Variants in MGAT4C observed in about 807,000 individuals in gnomAD.
MGAT4C encodes MGAT4 family member C, also known as alpha-1,3-mannosyl-glycoprotein 4-beta-N-acetylglucosaminyltransferase C.
In MGAT4C, 19 loss-of-function variants were observed where a neutral mutation model predicts 40.1. The ratio of observed to expected loss-of-function variants is 0.47; its 90% CI spans 0.33 to 0.70. MGAT4C has a LOEUF of 0.70. Among genes scored for constraint, MGAT4C ranks in the 30% least tolerant of loss-of-function variants. MGAT4C has a pLI of 0.02. For synonymous variants in MGAT4C, 181 were observed against 187.1 expected, an observed-to-expected ratio of 0.97 and a Z score of 0.27; for missense variants, 491 against 563.2, an observed-to-expected ratio of 0.87 and a Z score of 1.30.
chr12:86,461,626 G>T (rs1957603739), intron 2 of MGAT4C, among the ~76,000 whole-genome samples: 1 of 152,046 alleles, frequency 6.6e-6, no homozygotes, highest in Non-Finnish European at 1.5e-5. Context: ...CATTTCAATA[G>T]AAAGAAAATC....
At chr12:86,676,756 A>T (rs1964409527) in intron 2 of MGAT4C, among the ~76,000 whole-genome samples, 1 of 152,162 alleles carries the variant, frequency 6.6e-6, no homozygotes, top group African/African-American at 2.4e-5. Context: ...TTAATTGAAC[A>T]TTCTCCATAT....
rs192803593 is a variant in MGAT4C at position 85,995,726 on chromosome 12, C to T, written c.-6-6174G>A. Among the ~76,000 whole-genome samples the T allele has an allele frequency of 4.6e-4, 70 of 152,076 alleles. 1 individual carries two copies. The East Asian group carries it at 8.5e-3, about 19-fold the overall frequency. ...TTACAAAATATAAGAAAACTAGCCT[C>T]GTGTGTTGGTATACATCTGTAGTCC... On this transcript the variant is annotated intron_variant, in intron 2 of 4. Coordinates refer to ENST00000611864, the MANE Select transcript of MGAT4C (RefSeq NM_001351288.2).
chr12:86,114,876 TGGTGACAAG>T, intron 1 of MGAT4C, among the ~76,000 whole-genome samples: 1 of 151,972 alleles, frequency 6.6e-6, no homozygotes, highest in Non-Finnish European at 1.5e-5. Context: ...ATGTGACGTT[TGGTGACAAG>T]AAAGCTACTA....
intron 2 of MGAT4C, among the ~76,000 whole-genome samples, chr12:86,532,699 T>C (rs954748369): frequency 2.1e-4 from 32 of 152,074 alleles, no homozygotes; most frequent in Non-Finnish European, 4.0e-4. Context: ...AGATTGCATC[T>C]TAAAGGCTGG....
intron 1 of MGAT4C, among the ~76,000 whole-genome samples, chr12:86,245,173 A>C (rs1257883459): frequency 6.6e-6 from 1 of 151,996 alleles, no homozygotes; most frequent in Non-Finnish European, 1.5e-5. Context: ...AGAAACACCA[A>C]CTCATCCTAT....
intron 1 of MGAT4C, among the ~76,000 whole-genome samples, chr12:86,231,072 C>T (rs770519823): frequency 2.2e-4 from 33 of 151,936 alleles, no homozygotes; most frequent in Admixed American, 1.3e-4. Flanking sequence ...ATTTATGCCT[C>T]GAGTTTTAAT....
At chr12:86,156,873 A>AAGATAATT (rs1156875628) in intron 1 of MGAT4C, among the ~76,000 whole-genome samples, 1 of 152,196 alleles carries the variant, frequency 6.6e-6, no homozygotes. Flanking sequence ...CCACAAGAGC[A>AAGATAATT]AGATAATTCT....
chr12:86,495,558 A>C, intron 2 of MGAT4C, among the ~76,000 whole-genome samples: 1 of 152,096 alleles, frequency 6.6e-6, no homozygotes, highest in Admixed American at 6.6e-5. Flanking sequence ...TCAGCTAGGC[A>C]CCACCACTTC....
chr12:86,467,772 C>G (rs1028834047), intron 2 of MGAT4C, among the ~76,000 whole-genome samples: 5 of 152,038 alleles, frequency 3.3e-5, no homozygotes, highest in African/African-American at 1.2e-4. Context: ...CTTTTTTACT[C>G]TCTTTAGATA....
intron 2 of MGAT4C, among the ~76,000 whole-genome samples, chr12:86,543,806 G>A (rs1030932131): frequency 8.1e-6 from 1 of 122,756 alleles, no homozygotes; most frequent in Non-Finnish European, 1.7e-5. Flanking sequence ...CAATTCTGTG[G>A]ATGGCTAATG....
At chr12:86,565,971 T>C (rs1410041117) in intron 2 of MGAT4C, among the ~76,000 whole-genome samples, 3 of 152,126 alleles carry the variant, frequency 2.0e-5, no homozygotes, top group East Asian at 3.9e-4. Context: ...GTGCCCAATT[T>C]GCCAGCAGCA....
intron 2 of MGAT4C, among the ~76,000 whole-genome samples, chr12:86,603,759 ATATAG>A (rs1408909513): frequency 4.8e-5 from 6 of 124,590 alleles, no homozygotes; most frequent in African/African-American, 1.8e-4. Flanking sequence ...TATATATAAT[ATATAG>A]TATAATTATA....
intron 2 of MGAT4C, among the ~76,000 whole-genome samples, chr12:86,675,819 T>C (rs1258415877): frequency 6.6e-6 from 1 of 152,180 alleles, no homozygotes; most frequent in Non-Finnish European, 1.5e-5. Context: ...TGTCTTTTGT[T>C]CATACTGGGA....
Position 86,837,028 on chromosome 12 carries a change from A to C in MGAT4C, c.-262+1638T>G, listed in dbSNP as rs1413905902. Among the ~76,000 whole-genome samples, 5 of 151,978 alleles carry C rather than the reference A, an allele frequency of 3.3e-5. No individual in the cohort carries two copies. The East Asian group carries it at 9.8e-4, about 30-fold the overall frequency. On this transcript the variant is annotated intron_variant, in intron 1 of 7. Coordinates refer to the MGAT4C transcript ENST00000548651. ...AAGTCATAAGCCATCGAATTGTAAA[A>C]CTCTAAGACATTCAGGAGTGTATGT...
At chr12:86,279,220 T>A (rs905315275) in intron 4 of MGAT4C, among the ~76,000 whole-genome samples, 1 of 152,194 alleles carries the variant, frequency 6.6e-6, no homozygotes, top group Non-Finnish European at 1.5e-5. Flanking sequence ...TGGAATAGTT[T>A]GAATAGGATT....
chr12:86,640,513 C>T (rs2136519548), intron 2 of MGAT4C, among the ~76,000 whole-genome samples: 1 of 151,846 alleles, frequency 6.6e-6, no homozygotes, highest in Middle Eastern at 3.4e-3. Context: ...ATTAGTCTTG[C>T]TAGTGGTCTA....
chr12:86,241,754 T>C (rs1951798488), intron 1 of MGAT4C, among the ~76,000 whole-genome samples: 1 of 152,124 alleles, frequency 6.6e-6, no homozygotes, highest in Non-Finnish European at 1.5e-5. Context: ...ATAAAGTGCC[T>C]CCTAAAATGC....
intron 1 of MGAT4C, among the ~76,000 whole-genome samples, chr12:86,812,848 G>T (rs556031477): frequency 6.6e-6 from 1 of 152,028 alleles, no homozygotes; most frequent in Non-Finnish European, 1.5e-5. Flanking sequence ...GCCTAAATGG[G>T]ATGGAGAGCA....
In MGAT4C at chr12:86,094,533, T is replaced by C. The variant is rs1592921747; in HGVS notation, c.-56-44810A>G. On this transcript the variant is annotated intron_variant, in intron 1 of 4. Transcript: ENST00000611864. ...TACTATTTTAAAAGACAAAAGTATA[T>C]CCCAGAATTAAGCTATTCACCTAAT... Among the ~76,000 whole-genome samples the C allele has an allele frequency of 3.3e-5, 5 of 152,228 alleles. No individual in the cohort carries two copies. The South Asian group carries it at 1.0e-3, about 32-fold the overall frequency.
Sources: allele counts gnomAD v4.1 joint callset (sites outside exome capture counted in the v4.1 genomes callset), GRCh38; gene constraint gnomAD v4.1.1; transcripts MANE v1.5; gene names NCBI Gene and HGNC (gene_info 2026-07-23, HGNC 2026-07-21).